OVCH1: variants seen among roughly 807,000 people sequenced by gnomAD.
OVCH1 encodes the protein ovochymase 1, also known as ovochymase-1.
A neutral mutation model predicts 138.4 loss-of-function variants in OVCH1; 139 were observed. The ratio of observed to expected loss-of-function variants is 1.00; its 90% CI spans 0.87 to 1.16. OVCH1 has a LOEUF of 1.16. Among genes scored for constraint, OVCH1 ranks in the 50% most tolerant of loss-of-function variants. OVCH1 has a pLI of 0.00. For missense variants in OVCH1, 1,367 were observed against 1,357.9 expected (o/e 1.01, Z -0.11); for synonymous variants, 453 against 467.8 (o/e 0.97, Z 0.41).
At chr12:29,429,290 G>GAGAT (rs1322913274) in intron 27 of OVCH1, among the ~76,000 whole-genome samples, 2 of 152,176 alleles carry the variant, frequency 1.3e-5, no homozygotes, top group African/African-American at 4.8e-5. Flanking sequence ...ATGGTTAAAT[G>GAGAT]AGATAGGAAT....
intron 3 of OVCH1, chr12:29,412,761 T>C (rs1471924514): frequency 6.6e-6 from 1 of 152,210 alleles, no homozygotes; most frequent in African/African-American, 2.4e-5. Flanking sequence ...AAGGTAAATA[T>C]CATTTAATCT....
chr12:29,441,005 A>C (rs1941470963), intron 25 of OVCH1, among the ~76,000 whole-genome samples: 1 of 152,174 alleles, frequency 6.6e-6, no homozygotes, highest in Admixed American at 6.6e-5. Context: ...TTCATAGACC[A>C]TAGTGTGCAT....
exon 4 of OVCH1, chr12:29,495,333 T>C (rs780737053): frequency 8.1e-6 from 13 of 1,613,216 alleles, no homozygotes; most frequent in Middle Eastern, 3.3e-4. Context: ...TCAGGACTCA[T>C]ATATTCACGG....
At chr12:29,457,541 C>T (rs565483337) in intron 19 of OVCH1, among the ~76,000 whole-genome samples, 1 of 151,348 alleles carries the variant, frequency 6.6e-6, no homozygotes, top group South Asian at 2.1e-4. Flanking sequence ...GTAGCTGGGA[C>T]TACAGACGCG....
intron 21 of OVCH1, among the ~76,000 whole-genome samples, chr12:29,454,093 G>A (rs548760793): frequency 6.2e-4 from 94 of 152,036 alleles, no homozygotes; most frequent in South Asian, 1.5e-3. Flanking sequence ...TACCTGCACC[G>A]GTGCCTCAAG....
chr12:29,447,422 A>AAGGG (rs1941648177), intron 22 of OVCH1, among the ~76,000 whole-genome samples: 1 of 152,188 alleles, frequency 6.6e-6, no homozygotes, highest in Non-Finnish European at 1.5e-5. Context: ...GGCACTGCTA[A>AAGGG]TGGCAGTGAA....
rs755580290 is a variant in OVCH1, at chr12:29,475,207, A to G, written c.1472-18T>C. 9.3e-6 allele frequency: 13 copies of G among 1,405,030 alleles called. No homozygotes were observed. The Admixed American group carries it at 4.1e-4, about 44-fold the overall frequency. The allele number at this position is 1,405,030 out of a possible 1,614,324, so 87.0% of individuals were successfully genotyped here. A position where few individuals can be genotyped will look rare whatever the true frequency, so the allele number is the denominator to read the frequency against. ...AAGTTTAGCTGAAAAAATTTTAGGA[A>G]AGTTTGATTTATAGTTATATTTTTA... On this transcript the variant is annotated intron_variant, in intron 13 of 27. Coordinates refer to ENST00000318184, the Ensembl canonical transcript of OVCH1.
exon 7 of OVCH1, chr12:29,487,815 G>T: frequency 6.2e-7 from 1 of 1,608,330 alleles, no homozygotes; most frequent in Non-Finnish European, 8.5e-7. Context: ...AGCTACCCAG[G>T]AAGTTATCCC....
At chr12:29,431,152 TTG>T (rs377616553) in intron 27 of OVCH1, among the ~76,000 whole-genome samples, 2 of 152,108 alleles carry the variant, frequency 1.3e-5, no homozygotes, top group African/African-American at 4.8e-5. Context: ...AGATAAAAAG[TTG>T]TGTTGGGTAT....
At chr12:29,427,155 T>A (rs531466082), downstream of OVCH1, among the ~76,000 whole-genome samples, 1 of 152,354 alleles carries the variant, frequency 6.6e-6, no homozygotes, top group African/African-American at 2.4e-5. Flanking sequence ...CATTCTAGTC[T>A]GTCCTTGCTC....
intron 3 of OVCH1, among the ~76,000 whole-genome samples, chr12:29,413,677 C>CACACACACACACAT (rs1435351446): frequency 6.6e-6 from 1 of 151,778 alleles, no homozygotes; most frequent in Non-Finnish European, 1.5e-5. Flanking sequence ...CATACACACA[C>CACACACACACACAT]ACACACACAC....
chr12:29,404,188 T>G, the OVCH1 span, among the ~76,000 whole-genome samples: 7 of 152,224 alleles, frequency 4.6e-5, no homozygotes, highest in Non-Finnish European at 1.0e-4. Context: ...ACTTCTCCTC[T>G]AGTGGCAGAT....
intron 16 of OVCH1, among the ~76,000 whole-genome samples, chr12:29,469,410 A>T (rs1035284098): frequency 1.3e-5 from 2 of 152,148 alleles, no homozygotes; most frequent in African/African-American, 4.8e-5. Context: ...TGACCAAGGG[A>T]AGTCTTAGAA....
At chr12:29,484,862 TAC>T (rs1491212742) in intron 8 of OVCH1, among the ~76,000 whole-genome samples, 62 bp from the exon 9 acceptor site, 2 of 152,182 alleles carry the variant, frequency 1.3e-5, no homozygotes, top group Non-Finnish European at 2.9e-5. Context: ...TTCAAAATGA[TAC>T]AGAGGCCAGT....
Position 29,444,291 on chromosome 12 carries a change from A to G in OVCH1, c.2882-11T>C, listed in dbSNP as rs1321180121. 1 of 1,608,488 alleles carries G rather than the reference A, an allele frequency of 6.2e-7. No homozygotes were observed. Among genetic ancestry groups the G allele is most frequent in the South Asian group, 1.1e-5 (1 of 90,364 alleles). ...TACTGTCCTTTGGACCTAAAAGAAC[A>G]GGAAGCAGAGAAAATGAGAATAAAA... On this transcript the variant is annotated splice_polypyrimidine_tract_variant and intron_variant, in intron 23 of 27. Coordinates refer to ENST00000318184, the Ensembl canonical transcript of OVCH1.
intron 17 of OVCH1, 179 bp from the exon 18 acceptor site, chr12:29,464,881 C>T (rs955701146): frequency 1.0e-5 from 7 of 677,306 alleles, no homozygotes; most frequent in Non-Finnish European, 1.7e-5. Context: ...GGGCTATGAA[C>T]CACCTTCTGG....
intron 17 of OVCH1, 132 bp downstream of exon 17, chr12:29,465,015 T>G (rs867200345): frequency 6.2e-6 from 5 of 808,354 alleles, no homozygotes; most frequent in Middle Eastern, 2.4e-4. Context: ...TTTTTAAATG[T>G]GGGTATAAAT....
At chr12:29,435,563 C>G (rs1941343323) in intron 26 of OVCH1, among the ~76,000 whole-genome samples, 1 of 151,990 alleles carries the variant, frequency 6.6e-6, no homozygotes, top group Non-Finnish European at 1.5e-5. Flanking sequence ...ACTGTGTTAG[C>G]CAGGATGGTC....
At chr12:29,461,349 T>C (rs776061660) in intron 19 of OVCH1, among the ~76,000 whole-genome samples, 1 of 152,212 alleles carries the variant, frequency 6.6e-6, no homozygotes, top group Non-Finnish European at 1.5e-5. Context: ...TCATATTCTG[T>C]CTTTTTCTTG....
Sources: allele counts gnomAD v4.1 joint callset (sites outside exome capture counted in the v4.1 genomes callset), GRCh38; gene constraint gnomAD v4.1.1; transcripts MANE v1.5; gene names NCBI Gene and HGNC (gene_info 2026-07-23, HGNC 2026-07-21).